Variants in ATP9B observed in about 807,000 individuals in gnomAD.
ATP9B encodes the protein ATPase phospholipid transporting 9B, also known as probable phospholipid-transporting ATPase IIB.
A neutral mutation model predicts 146.1 loss-of-function variants in ATP9B; 110 were observed. The ratio of observed to expected loss-of-function variants is 0.75; its 90% CI spans 0.65 to 0.88. ATP9B has a LOEUF of 0.88. Among genes scored for constraint, ATP9B ranks in the 40% least tolerant of loss-of-function variants. The probability of loss-of-function intolerance (pLI) is 0.00; values close to 1 mark genes in which losing one functional copy is unlikely to be tolerated. For synonymous variants in ATP9B, 604 were observed against 569.7 expected (o/e 1.06, Z -0.86); for missense variants, 1,499 against 1,496.4 (o/e 1.00, Z -0.03).
At chr18:79,121,243 G>A (rs2094184001) in intron 4 of ATP9B, among the ~76,000 whole-genome samples, 1 of 152,342 alleles carries the variant, frequency 6.6e-6, no homozygotes. Context: ...TGGGTTATCT[G>A]GAGAAATAGG....
At chr18:79,350,165 C>T (rs2096915023) in intron 25 of ATP9B, among the ~76,000 whole-genome samples, 1 of 152,240 alleles carries the variant, frequency 6.6e-6, no homozygotes, top group African/African-American at 2.4e-5. Context: ...CTGCTTCGGA[C>T]TCCACGTCCT....
rs1489355159 is a variant in ATP9B, at chr18:79,375,344, G to A, written c.3275-50G>A. 9 of 1,491,232 alleles carry A rather than the reference G, an allele frequency of 6.0e-6. No individual in the cohort carries two copies. In the South Asian group the frequency reaches 9.5e-5, roughly 16 times the overall value. The allele number at this position is 1,491,232 out of a possible 1,614,324, so 92.4% of individuals were successfully genotyped here. On this transcript the variant is annotated intron_variant, in intron 28 of 29. Coordinates refer to ENST00000426216, the MANE Select transcript of ATP9B (RefSeq NM_198531.5). ...TTTGCTAACCCCTTGAAATATCCTGGTATCTCCTTTAATCTGTCCTTTATT... is the reference window on the plus strand; with the variant it reads ...TTTGCTAACCCCTTGAAATATCCTGATATCTCCTTTAATCTGTCCTTTATT...
intron 15 of ATP9B, among the ~76,000 whole-genome samples, chr18:79,317,137 T>C (rs551741307): frequency 1.3e-5 from 2 of 152,328 alleles, no homozygotes; most frequent in African/African-American, 4.8e-5. Flanking sequence ...ACCAGTTTTA[T>C]AGGTCAGTTG....
rs1215170199 is a variant in ATP9B, at chr18:79,375,850, C to T, written c.3307+424C>T. The stretch of plus-strand genomic sequence containing the variant: ...TTTTACAAAGGCCTCTAACTCTGCT[C>T]CATAGATCTTTTTATCCCATCCGGC... On this transcript the variant is annotated intron_variant, in intron 29 of 29. Transcript: ENST00000426216. The T allele has an allele frequency of 5.1e-6, 5 of 985,296 alleles. No homozygotes were observed. The African/African-American group carries it at 7.0e-5, about 14-fold the overall frequency. The allele number at this position is 985,296 out of a possible 1,614,324, so 61.0% of individuals were successfully genotyped here. A position where few individuals can be genotyped will look rare whatever the true frequency, so the allele number is the denominator to read the frequency against.
At chr18:79,229,459 C>T (rs2095768190) in intron 11 of ATP9B, among the ~76,000 whole-genome samples, 3 of 152,176 alleles carry the variant, frequency 2.0e-5, no homozygotes, top group Admixed American at 2.0e-4. Flanking sequence ...CTGAAACACA[C>T]AGTATAGAGA....
chr18:79,099,024 A>G (rs571571120), intron 2 of ATP9B, among the ~76,000 whole-genome samples: 24 of 152,154 alleles, frequency 1.6e-4, no homozygotes, highest in Non-Finnish European at 3.2e-4. Context: ...TTCCTGTTTG[A>G]TTGATTTCTG....
chr18:79,165,639 G>A (rs1173945527), intron 7 of ATP9B, among the ~76,000 whole-genome samples: 1 of 152,166 alleles, frequency 6.6e-6, no homozygotes, highest in African/African-American at 2.4e-5. Context: ...GACTGAGTCT[G>A]CAGAAATTGA....
chr18:79,291,562 T>A (rs1400734685), intron 13 of ATP9B, among the ~76,000 whole-genome samples: 1 of 152,246 alleles, frequency 6.6e-6, no homozygotes, highest in Non-Finnish European at 1.5e-5. Context: ...GTGAAGAAAG[T>A]ACGTGTGCCA....
At chr18:79,291,901 T>G (rs2146175732) in intron 13 of ATP9B, among the ~76,000 whole-genome samples, 1 of 152,310 alleles carries the variant, frequency 6.6e-6, no homozygotes, top group Non-Finnish European at 1.5e-5. Flanking sequence ...CATCCTCCCC[T>G]TCCATCGCCC....
intron 9 of ATP9B, among the ~76,000 whole-genome samples, chr18:79,203,690 A>C (rs1401348227): frequency 6.6e-6 from 1 of 152,200 alleles, no homozygotes; most frequent in Non-Finnish European, 1.5e-5. Context: ...TTATTGCTTC[A>C]AGTTTTAAAA....
intron 9 of ATP9B, among the ~76,000 whole-genome samples, chr18:79,194,109 G>A (rs1212756677): frequency 6.6e-6 from 1 of 152,046 alleles, no homozygotes; most frequent in Non-Finnish European, 1.5e-5. Context: ...GTTCATGGAG[G>A]GACAGAGGAG....
intron 13 of ATP9B, among the ~76,000 whole-genome samples, chr18:79,286,075 G>C (rs2096437114): frequency 6.6e-6 from 1 of 151,392 alleles, no homozygotes; most frequent in African/African-American, 2.4e-5. Context: ...TTGTTCTTTT[G>C]GCTTAGGATT....
chr18:79,284,757 G>A (rs2096416502), intron 13 of ATP9B, among the ~76,000 whole-genome samples: 2 of 151,466 alleles, frequency 1.3e-5, no homozygotes, highest in Admixed American at 6.6e-5. Context: ...ATCTCCTAAT[G>A]CTATCCCTCC....
At chr18:79,336,585 G>A in intron 17 of ATP9B, 43 bp from the exon 18 acceptor site, 1 of 1,586,040 alleles carries the variant, frequency 6.3e-7, no homozygotes, top group African/African-American at 1.3e-5. Flanking sequence ...CGGCCACAGG[G>A]GCTCTGCAGG....
At chr18:79,265,605 C>T (rs2096195005) in intron 12 of ATP9B, among the ~76,000 whole-genome samples, 1 of 151,858 alleles carries the variant, frequency 6.6e-6, no homozygotes. Flanking sequence ...TTTGTCAGAT[C>T]TGTAGTTTGC....
chr18:79,276,844 C>A (rs937819993), intron 12 of ATP9B, among the ~76,000 whole-genome samples: 2 of 152,110 alleles, frequency 1.3e-5, no homozygotes, highest in South Asian at 4.1e-4. Flanking sequence ...TTAAAAAATA[C>A]GTGTATATGG....
At position 79,072,635 on chromosome 18, in the gene ATP9B, A is replaced by G. The variant is rs1434604231; in HGVS notation, c.119+3106A>G. Among the ~76,000 whole-genome samples the G allele has an allele frequency of 2.0e-5, 3 of 152,130 alleles. No homozygotes were observed. In the South Asian group the frequency reaches 6.2e-4, roughly 32 times the overall value. The stretch of plus-strand genomic sequence containing the variant: ...TCTGTTCGACAAAACCGCCATCGTC[A>G]TCATGGCCCGTTCTCAGTGAGCTGT... On this transcript the variant is annotated intron_variant, in intron 1 of 29. Transcript: ENST00000426216.
chr18:79,070,732 G>A (rs1297337730), intron 1 of ATP9B, among the ~76,000 whole-genome samples: 2 of 151,440 alleles, frequency 1.3e-5, no homozygotes, highest in Non-Finnish European at 2.9e-5. Flanking sequence ...TCATCTCGGT[G>A]GATTGTTCCT....
intron 15 of ATP9B, among the ~76,000 whole-genome samples, chr18:79,328,053 TCTGGTTAGCGTGCTCTCC>T (rs1568702826): frequency 1.3e-5 from 1 of 77,536 alleles, no homozygotes; most frequent in African/African-American, 6.1e-5. Flanking sequence ...GCGTGCTCTC[TCTGGTTAGCGTGCTCTCC>T]GTGGTTAGCG....
Sources: allele counts gnomAD v4.1 joint callset (sites outside exome capture counted in the v4.1 genomes callset), GRCh38; gene constraint gnomAD v4.1.1; transcripts MANE v1.5; gene names NCBI Gene and HGNC (gene_info 2026-07-23, HGNC 2026-07-21).